The following GTF2F2 variants were observed in gnomAD, a reference collection of about 807,000 sequenced individuals.
GTF2F2 encodes the protein ATP-dependent helicase GTF2F2.
In GTF2F2, 23 loss-of-function variants were observed where a neutral mutation model predicts 42.2. The ratio of observed to expected loss-of-function variants is 0.55; its 90% confidence interval spans 0.39 to 0.77. The LOEUF (loss-of-function observed/expected upper bound fraction) is 0.77. Among genes scored for constraint, GTF2F2 ranks in the 30% least tolerant of loss-of-function variants. The probability of loss-of-function intolerance (pLI) is 0.00; values close to 1 mark genes in which losing one functional copy is unlikely to be tolerated. For synonymous variants in GTF2F2, 105 were observed against 100.8 expected (o/e 1.04, Z -0.25); for missense variants, 261 against 287.2 (o/e 0.91, Z 0.66).
At chr13:45,206,681 A>G (rs1455767438) in intron 4 of GTF2F2, 6 of 152,200 alleles carry the variant, frequency 3.9e-5, no homozygotes, top group Non-Finnish European at 7.3e-5. Context: ...CCACACCACA[A>G]TGCTTGGTGG....
At chr13:45,175,074 A>T (rs1871807391) in intron 4 of GTF2F2, among the ~76,000 whole-genome samples, 1 of 152,198 alleles carries the variant, frequency 6.6e-6, no homozygotes, top group African/African-American at 2.4e-5. Context: ...GTAATTTTGC[A>T]TCTGTTAGCC....
chr13:45,158,361 C>T (rs2138128523), intron 4 of GTF2F2, among the ~76,000 whole-genome samples: 1 of 152,310 alleles, frequency 6.6e-6, no homozygotes, highest in Middle Eastern at 3.4e-3. Context: ...GAGGCCTCCC[C>T]AGCCATGTGG....
chr13:45,252,538 GATGATTTATTTTTAC>G (rs1875921678), intron 5 of GTF2F2, among the ~76,000 whole-genome samples: 1 of 152,168 alleles, frequency 6.6e-6, no homozygotes, highest in South Asian at 2.1e-4. Context: ...TGTAATTTAA[GATGATTTATTTTTAC>G]ATGAAGATTT....
intron 2 of GTF2F2, among the ~76,000 whole-genome samples, chr13:45,142,824 G>A (rs1347722210): frequency 6.6e-6 from 1 of 152,116 alleles, no homozygotes; most frequent in Non-Finnish European, 1.5e-5. Context: ...TGTAGGATGG[G>A]TGGGGAATGT....
Position 45,229,317 on chromosome 13 carries a change from A to G in GTF2F2, c.386+21812A>G, listed in dbSNP as rs549747879. On this transcript the variant is annotated intron_variant, in intron 5 of 7. Transcript: ENST00000340473. ...CCCTTACTTCCCCCCACCTCCCACC[A>G]CCGCCTTCTTTGTACAGCAAATTCC... Among the ~76,000 whole-genome samples, 20 of 148,784 alleles carry G rather than the reference A, an allele frequency of 1.3e-4. 1 individual carries two copies. Among genetic ancestry groups the G allele is most frequent in the African/African-American group, 4.7e-4 (19 of 40,242 alleles).
At chr13:45,135,259 A>G (rs1012313281) in intron 1 of GTF2F2, among the ~76,000 whole-genome samples, 7 of 150,490 alleles carry the variant, frequency 4.7e-5, no homozygotes, top group Admixed American at 1.3e-4. Flanking sequence ...CCATGAACCC[A>G]TAGTATCTAG....
At position 45,145,405 on chromosome 13, in the gene GTF2F2, C is replaced by T. The variant is rs1364600360; in HGVS notation, c.141-4365C>T. 3.9e-5 allele frequency among the ~76,000 whole-genome samples: 6 copies of T among 152,108 alleles called. No homozygotes were observed. In the East Asian group the frequency reaches 9.6e-4, roughly 24 times the overall value. On this transcript the variant is annotated intron_variant, in intron 2 of 7. Transcript: ENST00000340473. ...TTCTCCAAGGGGTTGGCCATGGTTCCTTTTAGGGGAGAATGATATTTAGAA... is the reference window on the plus strand; with the variant it reads ...TTCTCCAAGGGGTTGGCCATGGTTCTTTTTAGGGGAGAATGATATTTAGAA...
At chr13:45,133,019 T>G (rs1869442523) in intron 1 of GTF2F2, among the ~76,000 whole-genome samples, 1 of 152,046 alleles carries the variant, frequency 6.6e-6, no homozygotes, top group Non-Finnish European at 1.5e-5. Flanking sequence ...CAGGTGCAAG[T>G]GTGGCAGAGA....
At chr13:45,276,696 C>T (rs1006267419) in intron 7 of GTF2F2, among the ~76,000 whole-genome samples, 1 of 152,196 alleles carries the variant, frequency 6.6e-6, no homozygotes, top group South Asian at 2.1e-4. Context: ...CTGCCTCGGC[C>T]TCCCAAAGTG....
At chr13:45,235,232 A>G (rs923585508) in intron 5 of GTF2F2, among the ~76,000 whole-genome samples, 2 of 152,030 alleles carry the variant, frequency 1.3e-5, no homozygotes, top group African/African-American at 4.8e-5. Context: ...TTATTATATT[A>G]CCGGTAATTT....
chr13:45,134,968 T>TA (rs1420965822), intron 1 of GTF2F2, among the ~76,000 whole-genome samples: 202 of 151,418 alleles, frequency 1.3e-3, no homozygotes, highest in African/African-American at 4.2e-3. Context: ...TTTTTTTTTT[T>TA]TTGACACAAG....
intron 5 of GTF2F2, among the ~76,000 whole-genome samples, chr13:45,242,629 G>A (rs189345599): frequency 1.3e-5 from 2 of 152,266 alleles, no homozygotes; most frequent in African/African-American, 2.4e-5. Context: ...AACAAGATTA[G>A]CAAGGCAGTA....
At chr13:45,277,471 G>A (rs1315497606) in intron 7 of GTF2F2, among the ~76,000 whole-genome samples, 2 of 152,174 alleles carry the variant, frequency 1.3e-5, no homozygotes, top group Non-Finnish European at 2.9e-5. Flanking sequence ...GAGGGATGGT[G>A]CTAATTCATG....
intron 7 of GTF2F2, among the ~76,000 whole-genome samples, chr13:45,273,576 A>G (rs1876892142): frequency 6.6e-6 from 1 of 151,776 alleles, no homozygotes; most frequent in Admixed American, 6.6e-5. Context: ...CACAAAAATT[A>G]TATTTTCTGA....
intron 4 of GTF2F2, among the ~76,000 whole-genome samples, chr13:45,174,641 T>TTC (rs1566123392): frequency 2.0e-5 from 3 of 149,038 alleles, no homozygotes; most frequent in Non-Finnish European, 4.5e-5. Context: ...TTTCTTTTTT[T>TTC]TTTTTTTTTT....
chr13:45,181,200 A>AAAAAACAAAAAC (rs766375703), intron 4 of GTF2F2, among the ~76,000 whole-genome samples: 1 of 132,834 alleles, frequency 7.5e-6, no homozygotes, highest in African/African-American at 2.8e-5. Flanking sequence ...AAAAAAAAAA[A>AAAAAACAAAAAC]AAACCAGAAA....
rs951853939 is a variant in GTF2F2, at chr13:45,194,804, G to A, written c.305-12620G>A. 5.3e-5 allele frequency: 27 copies of A among 509,880 alleles called. No homozygotes were observed. In the Middle Eastern group the frequency reaches 1.5e-3, roughly 28 times the overall value. The allele number at this position is 509,880 out of a possible 1,614,324, so 31.6% of individuals were successfully genotyped here. A position where few individuals can be genotyped will look rare whatever the true frequency, so the allele number is the denominator to read the frequency against. On this transcript the variant is annotated intron_variant, in intron 4 of 7. Coordinates refer to ENST00000340473, the MANE Select transcript of GTF2F2 (RefSeq NM_004128.3). ...TTGCATTTAACTGTATCAGGGAAGG[G>A]ATTTGTTGTGAAAGGATTTTCATGT...
intron 1 of GTF2F2, among the ~76,000 whole-genome samples, chr13:45,131,543 A>T (rs1223380866): frequency 6.6e-6 from 1 of 152,132 alleles, no homozygotes; most frequent in Non-Finnish European, 1.5e-5. Context: ...AGTAAGTTCA[A>T]AACAAAGTGG....
intron 5 of GTF2F2, chr13:45,220,932 A>AATGT (rs1190598360): frequency 7.0e-6 from 1 of 143,440 alleles, no homozygotes; most frequent in Non-Finnish European, 1.5e-5. Context: ...ATCTGCTTAA[A>AATGT]ATGTATGTGT....
Sources: allele counts gnomAD v4.1 joint callset (sites outside exome capture counted in the v4.1 genomes callset), GRCh38; gene constraint gnomAD v4.1.1; transcripts MANE v1.5; gene names NCBI Gene and HGNC (gene_info 2026-07-23, HGNC 2026-07-21).